The following CELF2 variants were observed in gnomAD, a reference collection of about 807,000 sequenced individuals.
CELF2 encodes the protein CUGBP Elav-like family member 2.
In CELF2, 8 loss-of-function variants were observed where a neutral mutation model predicts 62.6. That is an observed-to-expected ratio of 0.13 (90% CI 0.07 to 0.23). The LOEUF is 0.23. Among genes scored for constraint, CELF2 ranks in the 10% least tolerant of loss-of-function variants. The probability of loss-of-function intolerance (pLI) is 1.00; values close to 1 mark genes in which losing one functional copy is unlikely to be tolerated. For synonymous variants in CELF2, 258 were observed against 250.0 expected, an observed-to-expected ratio of 1.03 and a Z score of -0.30; for missense variants, 333 against 671.0, an observed-to-expected ratio of 0.50 and a Z score of 5.56.
At chr10:11,116,374 C>T (rs1051643650) in intron 1 of CELF2, among the ~76,000 whole-genome samples, 2 of 152,208 alleles carry the variant, frequency 1.3e-5, no homozygotes, top group African/African-American at 4.8e-5. Context: ...ACAAACTTAA[C>T]ATGGTCAAGA....
Position 11,113,619 on chromosome 10 carries a change from T to G in CELF2, c.75-51867T>G, listed in dbSNP as rs372924621. Among the ~76,000 whole-genome samples, 5 of 152,340 alleles carry G rather than the reference T, an allele frequency of 3.3e-5. No individual in the cohort carries two copies. In the South Asian group the frequency reaches 1.0e-3, roughly 32 times the overall value. On this transcript the variant is annotated intron_variant, in intron 1 of 12. Transcript: ENST00000633077. The stretch of plus-strand genomic sequence containing the variant: ...TACTAAAATAGAATTTTATAAATGC[T>G]CTGTATCAGAAGCAAGTATTCCTTA...
At chr10:11,212,355 C>T (rs1042574671) in intron 2 of CELF2, among the ~76,000 whole-genome samples, 4 of 152,174 alleles carry the variant, frequency 2.6e-5, no homozygotes, top group African/African-American at 9.7e-5. Context: ...GGCCTGCCTT[C>T]ACAGACAATG....
intron 2 of CELF2, among the ~76,000 whole-genome samples, chr10:11,197,025 A>AAAGAAAGAAAGAAGGAAAGAAGG (rs1554936315): frequency 3.8e-5 from 1 of 26,048 alleles, no homozygotes; most frequent in African/African-American, 1.8e-4. Flanking sequence ...AGAAAGAAAG[A>AAAGAAAGAAAGAAGGAAAGAAGG]AAAGAAAGAA....
At chr10:11,111,904 G>A (rs1052958882) in intron 1 of CELF2, among the ~76,000 whole-genome samples, 1 of 152,238 alleles carries the variant, frequency 6.6e-6, no homozygotes, top group Non-Finnish European at 1.5e-5. Context: ...ATAATCAAAT[G>A]TTTGGAGGAG....
Position 11,008,368 on chromosome 10 carries a change from C to G in CELF2, c.53+2928C>G, listed in dbSNP as rs1448561771. Among the ~76,000 whole-genome samples, 1 of 152,148 alleles carries G rather than the reference C, an allele frequency of 6.6e-6. No individual in the cohort carries two copies. Among genetic ancestry groups the G allele is most frequent in the African/African-American group, 2.4e-5 (1 of 41,422 alleles). On this transcript the variant is annotated intron_variant, in intron 1 of 12. Transcript: ENST00000416382. This position sits in a 1 kb window ranked among gnomAD's most constrained non-coding sequence, Gnocchi z 4.5. ...AGACCACAGACTGAGATCTCTAACCCCCTGTGTATGAATATTCCTTGATTT... is the reference window on the plus strand; with the variant it reads ...AGACCACAGACTGAGATCTCTAACCGCCTGTGTATGAATATTCCTTGATTT...
At position 11,267,126 on chromosome 10, in the gene CELF2, C is replaced by T. The variant is rs574895683; in HGVS notation, c.618+449C>T. Among the ~76,000 whole-genome samples, 101 of 152,326 alleles carry T rather than the reference C, an allele frequency of 6.6e-4. No homozygotes were observed. Among genetic ancestry groups the T allele is most frequent in the Non-Finnish European group, 1.1e-3 (73 of 68,022 alleles). On this transcript the variant is annotated intron_variant, in intron 6 of 12. Transcript: ENST00000633077. This position sits in a 1 kb window ranked among gnomAD's most constrained non-coding sequence, Gnocchi z 4.4. ...CGTTTGTACAGGGTCAAGTTATCTT[C>T]CATCTAGTCAAACAGCATTGTGTTT...
At chr10:10,797,238 C>T (rs1281488096), upstream of CELF2, among the ~76,000 whole-genome samples, 2 of 152,136 alleles carry the variant, frequency 1.3e-5, no homozygotes, top group Non-Finnish European at 2.9e-5. Context: ...ACCCTTCCTC[C>T]GGGCTGATGC....
At chr10:11,231,996 T>C (rs1430756335) in intron 3 of CELF2, among the ~76,000 whole-genome samples, 1 of 151,274 alleles carries the variant, frequency 6.6e-6, no homozygotes, top group East Asian at 1.9e-4. Context: ...CCGCCCCATC[T>C]TTTTTTTTAT....
the CELF2 span, among the ~76,000 whole-genome samples, chr10:10,502,004 T>C: frequency 6.6e-6 from 1 of 152,144 alleles, no homozygotes; most frequent in Admixed American, 6.5e-5. Flanking sequence ...TTTTTCTGTA[T>C]CAACTGGTGT....
intron 2 of CELF2, among the ~76,000 whole-genome samples, chr10:10,981,392 A>G (rs2052081616): frequency 6.6e-6 from 1 of 152,246 alleles, no homozygotes; most frequent in African/African-American, 2.4e-5. Flanking sequence ...CTAATAAGCC[A>G]GAAGAAGTGG....
At chr10:10,476,366 T>C in the CELF2 span, among the ~76,000 whole-genome samples, 1 of 152,148 alleles carries the variant, frequency 6.6e-6, no homozygotes, top group Non-Finnish European at 1.5e-5. Flanking sequence ...GGCAAAGGGC[T>C]ACTTGAATTT....
At chr10:11,033,857 T>G (rs914002619) in intron 1 of CELF2, among the ~76,000 whole-genome samples, 1 of 152,214 alleles carries the variant, frequency 6.6e-6, no homozygotes, top group Non-Finnish European at 1.5e-5. Flanking sequence ...GTTTAGGACT[T>G]ACGAGTTACA....
At chr10:10,838,956 T>C (rs542180725) in intron 1 of CELF2, among the ~76,000 whole-genome samples, 70 of 151,980 alleles carry the variant, frequency 4.6e-4, no homozygotes, top group African/African-American at 1.6e-3. Flanking sequence ...CTGGCTAATA[T>C]GGTGAAAACC....
chr10:10,638,978 G>T, the CELF2 span, among the ~76,000 whole-genome samples: 1 of 152,086 alleles, frequency 6.6e-6, no homozygotes, highest in Non-Finnish European at 1.5e-5. Context: ...CACATTTTCT[G>T]TTCAATCACT....
chr10:10,727,237 G>A, the CELF2 span, among the ~76,000 whole-genome samples: 9 of 152,116 alleles, frequency 5.9e-5, no homozygotes, highest in Non-Finnish European at 1.0e-4. Flanking sequence ...TCAAATTCCA[G>A]GAATCCCTTT....
chr10:10,946,310 C>T (rs2047675593), intron 2 of CELF2: 1 of 152,302 alleles, frequency 6.6e-6, no homozygotes, highest in South Asian at 2.1e-4. Flanking sequence ...TTTCTCTCCC[C>T]ACTGGAATGC....
chr10:10,946,556 T>C (rs1241903596), intron 2 of CELF2: 2 of 152,724 alleles, frequency 1.3e-5, no homozygotes, highest in East Asian at 1.9e-4. Context: ...CAGTAGACTG[T>C]TGGAAATCAA....
At chr10:10,554,015 C>A in the CELF2 span, among the ~76,000 whole-genome samples, 5 of 152,108 alleles carry the variant, frequency 3.3e-5, no homozygotes, top group African/African-American at 1.2e-4. Context: ...GAAGGATAGA[C>A]TGGAAAGTGG....
chr10:10,901,364 A>G (rs2062928020), intron 1 of CELF2, among the ~76,000 whole-genome samples: 1 of 152,236 alleles, frequency 6.6e-6, no homozygotes, highest in South Asian at 2.1e-4. Context: ...TATAAAGCAA[A>G]GAGACCTTAC....
Sources: gnomAD v4.1 joint callset for allele counts (sites outside exome capture counted in the v4.1 genomes callset) on GRCh38, gnomAD v4.1.1 for gene constraint, Gnocchi (gnomAD v3.1) non-coding constraint, MANE v1.5 for transcripts, NCBI Gene and HGNC (gene_info 2026-07-23, HGNC 2026-07-21) for gene names.